EMC2: variants seen among roughly 807,000 people sequenced by gnomAD.
The protein encoded by EMC2 is ER membrane protein complex subunit 2, also known as TPR repeat protein 35.
In EMC2, 37 loss-of-function variants were observed where a neutral mutation model predicts 51.6. That is an observed-to-expected ratio of 0.72 (90% CI 0.55 to 0.94). The LOEUF (loss-of-function observed/expected upper bound fraction) is 0.94. Ranked by LOEUF, EMC2 falls within the 40% of genes least tolerant of loss-of-function variation. EMC2 has a pLI of 0.00. For synonymous variants in EMC2, 131 were observed against 112.4 expected, an observed-to-expected ratio of 1.17 and a Z score of -1.04; for missense variants, 359 against 350.9, an observed-to-expected ratio of 1.02 and a Z score of -0.18.
At chr8:108,475,632 G>A in intron 7 of EMC2, 2 of 370,578 alleles carry the variant, frequency 5.4e-6, no homozygotes, top group Non-Finnish European at 9.7e-6. Context: ...TTTTTGAAAT[G>A]TAGTATCTAT....
intron 4 of EMC2, among the ~76,000 whole-genome samples, chr8:108,453,714 A>G (rs1472666577): frequency 6.6e-6 from 1 of 152,028 alleles, no homozygotes; most frequent in Non-Finnish European, 1.5e-5. Context: ...CGTCTTTTAA[A>G]ATTTTATTTT....
chr8:108,446,996 C>T (rs921856769), intron 1 of EMC2, among the ~76,000 whole-genome samples: 2 of 151,954 alleles, frequency 1.3e-5, no homozygotes, highest in East Asian at 1.9e-4. Flanking sequence ...GTCAGACTGC[C>T]GTTCTTAGAA....
At chr8:108,469,005 C>G (rs1047061955) in intron 5 of EMC2, among the ~76,000 whole-genome samples, 1 of 152,070 alleles carries the variant, frequency 6.6e-6, no homozygotes, top group Non-Finnish European at 1.5e-5. Context: ...TCTTTGCTTT[C>G]TGTCTTTCCA....
chr8:108,452,234 T>A (rs184974066), intron 3 of EMC2, among the ~76,000 whole-genome samples: 2 of 152,348 alleles, frequency 1.3e-5, no homozygotes, highest in African/African-American at 2.4e-5. Context: ...GTTTAATGTC[T>A]GTATTTTCTG....
chr8:108,447,967 A>G (rs1240589961), intron 1 of EMC2, among the ~76,000 whole-genome samples: 1 of 152,096 alleles, frequency 6.6e-6, no homozygotes, highest in Admixed American at 6.5e-5. Flanking sequence ...GTAGGGCTTC[A>G]CATTTTATAA....
In EMC2 at chr8:108,487,990, G is replaced by GATGA. The variant is rs1376276251; in HGVS notation, c.*1394_*1397dup. 5.3e-5 allele frequency among the ~76,000 whole-genome samples: 8 copies of GATGA among 152,082 alleles called. No homozygotes were observed. The highest frequency in any genetic ancestry group is 5.2e-4 in the Admixed American group (8 of 15,252). Reference sequence around the variant, plus strand: ...AAATTAGTAACTGCATTTTCAACATGATGAACCATTTGAAATTTACATTTT... The same window carrying GATGA: ...AAATTAGTAACTGCATTTTCAACATGATGAATGAACCATTTGAAATTTACATTTT... On this transcript the variant is annotated 3_prime_UTR_variant, in exon 11 of 11. Transcript: ENST00000220853.
intron 9 of EMC2, among the ~76,000 whole-genome samples, chr8:108,477,127 C>G (rs1810961673): frequency 6.6e-6 from 1 of 151,890 alleles, no homozygotes; most frequent in African/African-American, 2.4e-5. Flanking sequence ...GAATTGAAAT[C>G]TGCCCTTATA....
intron 5 of EMC2, among the ~76,000 whole-genome samples, chr8:108,457,010 TA>T (rs1406489142): frequency 1.4e-4 from 21 of 152,294 alleles, no homozygotes; most frequent in Middle Eastern, 3.4e-3. Context: ...AAATATACAT[TA>T]AAAAATCTTA....
chr8:108,464,458 G>A (rs949979044), intron 5 of EMC2, among the ~76,000 whole-genome samples: 2 of 152,148 alleles, frequency 1.3e-5, no homozygotes. Flanking sequence ...GCCTCCTCCT[G>A]GCAATTCTGG....
chr8:108,456,108 T>C (rs1328164972), intron 5 of EMC2, 178 bp downstream of exon 5: 1 of 202,696 alleles, frequency 4.9e-6, no homozygotes, highest in Non-Finnish European at 1.0e-5. Context: ...TTAAATAGAT[T>C]TAAGACTCTC....
chr8:108,457,710 A>G (rs1459823960), intron 5 of EMC2, among the ~76,000 whole-genome samples: 3 of 152,182 alleles, frequency 2.0e-5, no homozygotes, highest in African/African-American at 7.2e-5. Flanking sequence ...CTCCCATGAC[A>G]TATGTGAATT....
chr8:108,449,886 A>G lies in EMC2; in HGVS notation c.104A>G (p.Glu35Gly). ...ENSRNSEQIV[E>G]VGEELINEYA... ...TCAAGAAATAGTGAGCAAATTGTGG[A>G]AGTTGGAGAAGAATTAATTAATGAA... Residue 35 changes from glutamate to glycine, a missense_variant, in exon 2 of 11, where the codon GAA becomes GGA. Transcript: ENST00000220853. The G allele has an allele frequency of 1.3e-6, 2 of 1,596,516 alleles. No individual in the cohort carries two copies. Among genetic ancestry groups the G allele is most frequent in the Non-Finnish European group, 1.7e-6 (2 of 1,165,194 alleles).
At chr8:108,445,940 C>T (rs948678359) in intron 1 of EMC2, among the ~76,000 whole-genome samples, 2 of 152,156 alleles carry the variant, frequency 1.3e-5, no homozygotes, top group African/African-American at 2.4e-5. Flanking sequence ...TCATTCTTCT[C>T]TTAGCTTGAA....
chr8:108,464,899 G>A (rs1819431286), intron 5 of EMC2, among the ~76,000 whole-genome samples: 3 of 152,124 alleles, frequency 2.0e-5, no homozygotes, highest in South Asian at 4.1e-4. Flanking sequence ...CAGGCTTCTA[G>A]GTATAAACCT....
intron 7 of EMC2, among the ~76,000 whole-genome samples, chr8:108,470,603 A>G (rs1285679786): frequency 1.3e-5 from 2 of 152,150 alleles, no homozygotes; most frequent in Non-Finnish European, 2.9e-5. Flanking sequence ...TAAAAAACTG[A>G]GAATAATCAA....
chr8:108,472,814 A>G (rs1810880847), intron 7 of EMC2, among the ~76,000 whole-genome samples: 1 of 152,096 alleles, frequency 6.6e-6, no homozygotes, highest in Non-Finnish European at 1.5e-5. Context: ...TCCTTTCTGC[A>G]TATGAACAGT....
chr8:108,457,316 ATGTGCGTGTG>A (rs919409791), intron 5 of EMC2, among the ~76,000 whole-genome samples: 13 of 113,572 alleles, frequency 1.1e-4, no homozygotes, highest in Admixed American at 3.6e-4. Flanking sequence ...TTGTGTAGGG[ATGTGCGTGTG>A]TGTGCGTGTG....
At chr8:108,450,250 T>C (rs1446413956) in intron 2 of EMC2, among the ~76,000 whole-genome samples, 178 bp from the exon 3 acceptor site, 1 of 152,202 alleles carries the variant, frequency 6.6e-6, no homozygotes, top group African/African-American at 2.4e-5. Flanking sequence ...TACATTAACA[T>C]ATTTTACACT....
At chr8:108,475,684 T>G in intron 7 of EMC2, 198 bp from the exon 8 acceptor site, 1 of 496,764 alleles carries the variant, frequency 2.0e-6, no homozygotes, top group Non-Finnish European at 3.5e-6. Flanking sequence ...CCTGTGTTTA[T>G]TAATTTCATG....
Sources: gnomAD v4.1 joint callset for allele counts (sites outside exome capture counted in the v4.1 genomes callset) on GRCh38, gnomAD v4.1.1 for gene constraint, MANE v1.5 for transcripts, NCBI Gene and HGNC (gene_info 2026-07-23, HGNC 2026-07-21) for gene names.